CADM2: variants seen among roughly 807,000 people sequenced by gnomAD.
CADM2 encodes immunoglobulin superfamily member 4D.
In CADM2, 12 loss-of-function variants were observed where a neutral mutation model predicts 49.8. The ratio of observed to expected loss-of-function variants is 0.24; its 90% CI spans 0.15 to 0.39. The LOEUF is 0.39. Ranked by LOEUF, CADM2 falls within the 10% of genes least tolerant of loss-of-function variation. The pLI is 1.00. For missense variants in CADM2, 378 were observed against 492.3 expected, an observed-to-expected ratio of 0.77 and a Z score of 2.20; for synonymous variants, 214 against 175.4, an observed-to-expected ratio of 1.22 and a Z score of -1.74.
chr3:85,393,940 G>T (rs2034642385), intron 1 of CADM2, among the ~76,000 whole-genome samples: 2 of 152,078 alleles, frequency 1.3e-5, no homozygotes, highest in African/African-American at 4.8e-5. Context: ...CCGAGTAGCT[G>T]GGACTACAGG....
chr3:85,756,450 T>C (rs955691775), intron 2 of CADM2, among the ~76,000 whole-genome samples: 12 of 152,158 alleles, frequency 7.9e-5, no homozygotes, highest in African/African-American at 2.9e-4. Flanking sequence ...TTGAAGACAT[T>C]GCATATTGAA....
At chr3:85,570,696 G>T (rs2107240899) in intron 1 of CADM2, among the ~76,000 whole-genome samples, 1 of 152,214 alleles carries the variant, frequency 6.6e-6, no homozygotes, top group South Asian at 2.1e-4. Context: ...ACAGATGGTT[G>T]TCTTATTATC....
chr3:85,446,921 T>G (rs1198726836), intron 1 of CADM2, among the ~76,000 whole-genome samples: 2 of 147,210 alleles, frequency 1.4e-5, no homozygotes, highest in Non-Finnish European at 3.0e-5. Context: ...TTTTAGTGCC[T>G]CTTCAGTCAT....
chr3:85,246,154 G>A (rs1478248379), intron 1 of CADM2, among the ~76,000 whole-genome samples: 1 of 152,142 alleles, frequency 6.6e-6, no homozygotes, highest in East Asian at 1.9e-4. Flanking sequence ...TAGGTACATA[G>A]ATGAAGCTGG....
At chr3:85,390,941 G>A (rs2034487646) in intron 1 of CADM2, among the ~76,000 whole-genome samples, 1 of 152,008 alleles carries the variant, frequency 6.6e-6, no homozygotes, top group Admixed American at 6.6e-5. Context: ...GTGATGGTAG[G>A]AAGAAGGTGA....
At chr3:85,276,288 A>G (rs752381654) in intron 1 of CADM2, among the ~76,000 whole-genome samples, 18 of 151,304 alleles carry the variant, frequency 1.2e-4, no homozygotes, top group Non-Finnish European at 2.2e-4. Flanking sequence ...ATAGTGCTTA[A>G]TAATAGTATC....
At chr3:85,123,602 AC>A (rs1345498083) in intron 1 of CADM2, among the ~76,000 whole-genome samples, 6 of 152,122 alleles carry the variant, frequency 3.9e-5, no homozygotes, top group Non-Finnish European at 8.8e-5. Flanking sequence ...GAAGGACATA[AC>A]TGAAACAAGA....
At chr3:86,042,801 C>T (rs539578184) in intron 8 of CADM2, among the ~76,000 whole-genome samples, 12 of 152,294 alleles carry the variant, frequency 7.9e-5, no homozygotes, top group African/African-American at 2.9e-4. Flanking sequence ...GACCAATATC[C>T]CTGATAACCA....
At position 85,817,786 on chromosome 3, in the gene CADM2, G is replaced by A. The variant is rs576202270; in HGVS notation, c.238+15590G>A. On this transcript the variant is annotated intron_variant, in intron 3 of 9. Transcript: ENST00000383699. Reference sequence around the variant, plus strand: ...CGAGACTGCACCACTGCACTCCAGCGTCGGCGACAGAGCGAGACTTCCTCT... The same window carrying A: ...CGAGACTGCACCACTGCACTCCAGCATCGGCGACAGAGCGAGACTTCCTCT... 3.5e-3 allele frequency among the ~76,000 whole-genome samples: 532 copies of A among 151,940 alleles called. 5 individuals carry two copies. Among genetic ancestry groups the A allele is most frequent in the South Asian group, 6.6e-3 (32 of 4,820 alleles).
At chr3:85,484,903 C>T (rs73142752) in intron 1 of CADM2, among the ~76,000 whole-genome samples, 42,255 of 151,580 alleles carry the variant, frequency 0.28, 6,098 homozygotes, top group South Asian at 0.39. Context: ...TCATGTCTTA[C>T]GGAGACAGGC....
chr3:85,979,871 T>C (rs1188622862), intron 8 of CADM2, among the ~76,000 whole-genome samples: 1 of 151,654 alleles, frequency 6.6e-6, no homozygotes, highest in Admixed American at 6.6e-5. Context: ...ATATCTGTTG[T>C]CTCAGATGGC....
intron 6 of CADM2, among the ~76,000 whole-genome samples, chr3:85,934,980 A>C (rs765077846): frequency 6.6e-6 from 1 of 152,018 alleles, no homozygotes. Flanking sequence ...GAATGTGTTA[A>C]TATCGTCTCT....
intron 1 of CADM2, among the ~76,000 whole-genome samples, chr3:85,707,389 G>A (rs901798501): frequency 3.5e-5 from 4 of 113,468 alleles, no homozygotes; most frequent in African/African-American, 1.3e-4. Flanking sequence ...CTATATCATT[G>A]TATCTTTTTT....
rs1703373571 is a variant in CADM2, at chr3:86,073,067, A to C, written c.*6284A>C. On this transcript the variant is annotated 3_prime_UTR_variant, in exon 10 of 10. Coordinates refer to ENST00000383699, the MANE Select transcript of CADM2 (RefSeq NM_001167675.2). ...TATTGCATTCACATCAATATTTGTG[A>C]ATTTGTTGTTCAGCTTTTCATTCAA... 2 of 152,064 alleles carry C rather than the reference A, an allele frequency of 1.3e-5. No homozygotes were observed. Among genetic ancestry groups the C allele is most frequent in the Admixed American group, 1.3e-4 (2 of 15,236 alleles). The allele number at this position is 152,064 out of a possible 1,614,324, so 9.4% of individuals were successfully genotyped here.
At position 85,246,364 on chromosome 3, in the gene CADM2, G is replaced by A. The variant is rs922560947; in HGVS notation, c.61+286696G>A. ...TAATGTAAATGAGGAGTTAATGGGT[G>A]CAGCACACCAACATGGCACATGTAC... On this transcript the variant is annotated intron_variant, in intron 1 of 9. Coordinates refer to ENST00000383699, the MANE Select transcript of CADM2 (RefSeq NM_001167675.2). 2.6e-5 allele frequency among the ~76,000 whole-genome samples: 4 copies of A among 151,938 alleles called. No individual in the cohort carries two copies. The South Asian group carries it at 6.2e-4, about 24-fold the overall frequency.
Position 85,611,506 on chromosome 3 carries a change from G to T in CADM2, c.62-115016G>T, listed in dbSNP as rs1416064794. Among the ~76,000 whole-genome samples the T allele has an allele frequency of 2.6e-5, 4 of 152,000 alleles. No homozygotes were observed. In the East Asian group the frequency reaches 7.7e-4, roughly 29 times the overall value. On this transcript the variant is annotated intron_variant, in intron 1 of 9. Transcript: ENST00000383699. ...CACCCCTGCCTCAAGTTGAACTCAT[G>T]AGAAAGAGTGGAGGGAAAGACCTGC...
intron 8 of CADM2, among the ~76,000 whole-genome samples, chr3:85,975,755 CA>C (rs1559777315): frequency 6.6e-6 from 1 of 151,434 alleles, no homozygotes; most frequent in African/African-American, 2.4e-5. Flanking sequence ...AAGGAACACA[CA>C]AAAAAATGAG....
At chr3:85,664,267 C>T (rs959716076) in intron 1 of CADM2, among the ~76,000 whole-genome samples, 2 of 151,972 alleles carry the variant, frequency 1.3e-5, no homozygotes, top group African/African-American at 4.8e-5. Flanking sequence ...ATGAACCCTT[C>T]TTCTGAACTT....
intron 1 of CADM2, among the ~76,000 whole-genome samples, chr3:84,968,609 A>G (rs1426351754): frequency 6.6e-6 from 1 of 152,094 alleles, no homozygotes; most frequent in Non-Finnish European, 1.5e-5. Context: ...ATTGTGATAC[A>G]TAATACAGTA....
Sources: allele counts gnomAD v4.1 joint callset (sites outside exome capture counted in the v4.1 genomes callset), GRCh38; gene constraint gnomAD v4.1.1; transcripts MANE v1.5; gene names NCBI Gene and HGNC (gene_info 2026-07-23, HGNC 2026-07-21).